Variants in RBMS3 observed in about 807,000 individuals in gnomAD.
RBMS3 encodes the protein RNA-binding motif, single-stranded-interacting protein 3.
Under a neutral mutation model 66.8 loss-of-function variants are expected in RBMS3, and 27 were observed. That is an observed-to-expected ratio of 0.40 (90% CI 0.30 to 0.56). RBMS3 has a LOEUF of 0.56. Ranked by LOEUF, RBMS3 falls within the 20% of genes least tolerant of loss-of-function variation. The pLI is 0.40. For synonymous variants in RBMS3, 188 were observed against 183.0 expected (o/e 1.03, Z -0.22); for missense variants, 513 against 549.5 (o/e 0.93, Z 0.66).
chr3:29,435,125 G>T, intron 2 of RBMS3: 1 of 552,096 alleles, frequency 1.8e-6, no homozygotes, highest in Non-Finnish European at 3.1e-6. Flanking sequence ...AAGTTCTTGA[G>T]CACATATACA....
chr3:29,795,123 A>G (rs1187256001), intron 6 of RBMS3, among the ~76,000 whole-genome samples: 1 of 152,112 alleles, frequency 6.6e-6, no homozygotes, highest in Non-Finnish European at 1.5e-5. Flanking sequence ...CTGTTGTTTG[A>G]TGGGGATTAG....
intron 10 of RBMS3, among the ~76,000 whole-genome samples, chr3:29,903,616 G>C (rs992309708): frequency 1.3e-5 from 2 of 151,938 alleles, no homozygotes; most frequent in African/African-American, 4.8e-5. Context: ...CTGACAAGGA[G>C]AAAAGATGAT....
At chr3:29,734,900 A>G (rs151132377) in intron 4 of RBMS3, among the ~76,000 whole-genome samples, 87 of 152,208 alleles carry the variant, frequency 5.7e-4, no homozygotes, top group African/African-American at 2.1e-3. Context: ...GATCCATGGC[A>G]TATTGGAAAT....
At chr3:29,817,416 G>T (rs1285498717) in intron 6 of RBMS3, among the ~76,000 whole-genome samples, 1 of 151,878 alleles carries the variant, frequency 6.6e-6, no homozygotes, top group Non-Finnish European at 1.5e-5. Flanking sequence ...TGTTGGCCAG[G>T]CTGATCTCAA....
chr3:29,369,496 A>G (rs2038081575), intron 1 of RBMS3, among the ~76,000 whole-genome samples: 1 of 46,568 alleles, frequency 2.1e-5, no homozygotes, highest in South Asian at 5.6e-4. Context: ...TAACACACAC[A>G]CACACACACA....
chr3:29,793,436 A>T (rs1394895878), intron 6 of RBMS3, among the ~76,000 whole-genome samples: 1 of 152,212 alleles, frequency 6.6e-6, no homozygotes, highest in African/African-American at 2.4e-5. Flanking sequence ...GAATTATGAA[A>T]TCAGTGAATA....
At chr3:29,798,072 ACGTT>A (rs1367555162) in intron 6 of RBMS3, among the ~76,000 whole-genome samples, 3 of 151,816 alleles carry the variant, frequency 2.0e-5, no homozygotes, top group African/African-American at 7.3e-5. Context: ...GTCAGAACAT[ACGTT>A]TATCAATTCA....
In RBMS3 at chr3:29,380,221, C is replaced by T. The variant is rs1369436674; in HGVS notation, c.76-54522C>T. ...ATTTAGTAGGGGAATCTCACACACA[C>T]ACACACACACACACACGTACATCTA... On this transcript the variant is annotated intron_variant, in intron 1 of 14. Transcript: ENST00000383767. Among the ~76,000 whole-genome samples the T allele has an allele frequency of 4.0e-5, 6 of 151,670 alleles. No homozygotes were observed. The East Asian group carries it at 1.2e-3, about 29-fold the overall frequency.
At chr3:29,592,673 A>T (rs1208391783) in intron 4 of RBMS3, among the ~76,000 whole-genome samples, 1 of 152,136 alleles carries the variant, frequency 6.6e-6, no homozygotes, top group Non-Finnish European at 1.5e-5. Context: ...TACCCAAAGG[A>T]TTATAAATCA....
At chr3:29,663,561 GA>G (rs2149233709) in intron 4 of RBMS3, among the ~76,000 whole-genome samples, 1 of 152,218 alleles carries the variant, frequency 6.6e-6, no homozygotes, top group East Asian at 1.9e-4. Flanking sequence ...TGAAGCCTGG[GA>G]TAATGCAATA....
chr3:29,525,703 C>T (rs2045066000), intron 3 of RBMS3, among the ~76,000 whole-genome samples: 1 of 152,154 alleles, frequency 6.6e-6, no homozygotes, highest in Admixed American at 6.5e-5. Context: ...CTTCAATCTT[C>T]AATCTTTGTT....
chr3:29,747,407 T>TAGAA (rs2054964258), intron 5 of RBMS3, among the ~76,000 whole-genome samples: 1 of 121,220 alleles, frequency 8.2e-6, no homozygotes, highest in Non-Finnish European at 1.8e-5. Flanking sequence ...GATAGATAGA[T>TAGAA]AGATAGATAG....
chr3:29,574,686 G>A (rs960471000), intron 3 of RBMS3, among the ~76,000 whole-genome samples: 14 of 151,790 alleles, frequency 9.2e-5, no homozygotes, highest in South Asian at 6.2e-4. Flanking sequence ...TTTCTCTGAC[G>A]GTATGATTTA....
intron 1 of RBMS3, among the ~76,000 whole-genome samples, chr3:29,414,676 G>A (rs796795643): frequency 1.3e-5 from 2 of 152,068 alleles, no homozygotes; most frequent in South Asian, 2.1e-4. Context: ...TCAGCCTCGC[G>A]ACACACTGCT....
At chr3:29,719,548 C>T (rs2053550561) in intron 4 of RBMS3, among the ~76,000 whole-genome samples, 1 of 152,094 alleles carries the variant, frequency 6.6e-6, no homozygotes, top group African/African-American at 2.4e-5. Flanking sequence ...CATCACTACT[C>T]TTATTAGGTG....
At chr3:29,371,143 T>C (rs1185010860) in intron 1 of RBMS3, among the ~76,000 whole-genome samples, 2 of 152,124 alleles carry the variant, frequency 1.3e-5, no homozygotes, top group African/African-American at 4.8e-5. Flanking sequence ...GTTCATGGAG[T>C]GGGAAGTGTC....
At chr3:29,339,598 A>G (rs2036163994) in intron 1 of RBMS3, among the ~76,000 whole-genome samples, 1 of 151,556 alleles carries the variant, frequency 6.6e-6, no homozygotes, top group African/African-American at 2.4e-5. Context: ...TTTTTTAAGA[A>G]GAAAGAATGA....
At chr3:29,558,214 G>A (rs1470373941) in intron 3 of RBMS3, among the ~76,000 whole-genome samples, 1 of 152,004 alleles carries the variant, frequency 6.6e-6, no homozygotes, top group East Asian at 1.9e-4. Flanking sequence ...AGATATACAG[G>A]ACAAGTGAAG....
intron 1 of RBMS3, among the ~76,000 whole-genome samples, chr3:29,365,630 CT>C (rs1559520925): frequency 6.6e-6 from 1 of 152,138 alleles, no homozygotes; most frequent in African/African-American, 2.4e-5. Context: ...AAAAGATCAC[CT>C]TTGCTCTCTT....
Sources: allele counts gnomAD v4.1 joint callset (sites outside exome capture counted in the v4.1 genomes callset), GRCh38; gene constraint gnomAD v4.1.1; transcripts MANE v1.5; gene names NCBI Gene and HGNC (gene_info 2026-07-23, HGNC 2026-07-21).